Variants in TMEM176A observed in about 807,000 individuals in gnomAD.
TMEM176A encodes the protein transmembrane protein 176A.
In TMEM176A, 20 loss-of-function variants were observed where a neutral mutation model predicts 27.9. The observed-to-expected ratio is 0.72, with a 90% CI of 0.50 to 1.04. The LOEUF (loss-of-function observed/expected upper bound fraction) is 1.04, where lower values mean the gene tolerates loss of function less well. Among genes scored for constraint, TMEM176A ranks in the 50% least tolerant of loss-of-function variants. The probability of loss-of-function intolerance (pLI) is 0.00; values close to 1 mark genes in which losing one functional copy is unlikely to be tolerated. For synonymous variants in TMEM176A, 125 were observed against 118.0 expected, an observed-to-expected ratio of 1.06 and a Z score of -0.38; for missense variants, 252 against 289.1, an observed-to-expected ratio of 0.87 and a Z score of 0.93.
Position 150,805,059 on chromosome 7 carries a change from C to T in TMEM176A, c.*191C>T. ...CCTTACACCCCTTCCCCATCCTGCT[C>T]CGCTTCATGTCCCCTCCTGAGTAGT... On this transcript the variant is annotated 3_prime_UTR_variant, in exon 7 of 7. Coordinates refer to ENST00000004103, the MANE Select transcript of TMEM176A (RefSeq NM_018487.3). 4 of 623,638 alleles carry T rather than the reference C, an allele frequency of 6.4e-6. No homozygotes were observed. Among genetic ancestry groups the T allele is most frequent in the Non-Finnish European group, 1.1e-5 (4 of 349,756 alleles). 38.6% of individuals were successfully genotyped at this position (623,638 alleles called of 1,614,324 possible).
At chr7:150,804,542 G>A in intron 6 of TMEM176A, 70 bp downstream of exon 6, 1 of 1,375,642 alleles carries the variant, frequency 7.3e-7, no homozygotes. Flanking sequence ...GGAATGGACA[G>A]TGGACAGTTT....
Position 150,803,740 on chromosome 7 carries a change from A to C in TMEM176A, c.463A>C (p.Ser155Arg). ...SYYNSACRIS[S>R]SSDWNTPAPT... ...TTACAACAGTGCCTGCCGCATCTCC[A>C]GCTCGAGTGACTGGAACACTCCAGC... is the stretch of plus-strand genomic sequence containing the variant. Residue 155 changes from serine to arginine, a missense_variant, in exon 5 of 7, where the codon AGC (serine) becomes CGC (arginine). Physicochemically the swap from Ser to Arg is moderately radical, Grantham distance 110. Transcript: ENST00000004103. 2 of 1,614,214 alleles carry C rather than the reference A, an allele frequency of 1.2e-6. No individual in the cohort carries two copies. Among genetic ancestry groups the C allele is most frequent in the Non-Finnish European group, 1.7e-6 (2 of 1,180,046 alleles).
intron 4 of TMEM176A, 71 bp from the exon 5 acceptor site, chr7:150,803,549 C>CT: frequency 6.3e-7 from 1 of 1,590,682 alleles, no homozygotes; most frequent in Non-Finnish European, 8.6e-7. Context: ...GGGCCTTGCC[C>CT]TTTTTTCCCC....
Position 150,804,440 on chromosome 7 carries a change from C to T in TMEM176A, c.634C>T (p.Leu212=), listed in dbSNP as rs1236613461. 4.3e-6 allele frequency: 7 copies of T among 1,614,030 alleles called. No homozygotes were observed. The Admixed American group carries it at 5.0e-5, about 12-fold the overall frequency. ...TCTGGCATCTCTGACCCCTCTGTGG[C>T]TGTACTGCTGGAGAATGTTCCCAAC... ...LLLASLTPLW[L]YCWRMFPTKG... The change falls in exon 6 of 7, where the codon CTG becomes TTG. Residue 212 remains leucine (L), a synonymous_variant. Transcript: ENST00000004103.
In TMEM176A at chr7:150,805,051, A is replaced by C; in HGVS notation, c.*183A>C. 1 of 631,780 alleles carries C rather than the reference A, an allele frequency of 1.6e-6. No individual in the cohort carries two copies. Among genetic ancestry groups the C allele is most frequent in the Non-Finnish European group, 2.8e-6 (1 of 354,420 alleles). The allele number at this position is 631,780 out of a possible 1,614,324, so 39.1% of individuals were successfully genotyped here. On this transcript the variant is annotated 3_prime_UTR_variant, in exon 7 of 7. Transcript: ENST00000004103. ...TGCCCATTCCTTACACCCCTTCCCC[A>C]TCCTGCTCCGCTTCATGTCCCCTCC...
At chr7:150,801,321 C>A (rs1798775850) in intron 1 of TMEM176A, 4 of 493,394 alleles carry the variant, frequency 8.1e-6, no homozygotes, top group Admixed American at 3.9e-5. Flanking sequence ...GGGGAGGTTC[C>A]CGCAGGCTCT....
chr7:150,800,801 G>A lies in TMEM176A; in HGVS notation c.-43G>A. ...CAGCCAGCGCCCCAGCCCTCCCGCC[G>A]CCCGCTCGCAGGTCCCGAGGAGCGC... On this transcript the variant is annotated 5_prime_UTR_variant, in exon 1 of 7. Transcript: ENST00000004103. 2.2e-6 allele frequency: 1 copy of A among 448,108 alleles called. No homozygotes were observed. The highest frequency in any genetic ancestry group is 2.9e-6 in the Non-Finnish European group (1 of 344,698). The allele number at this position is 448,108 out of a possible 1,614,324, so 27.8% of individuals were successfully genotyped here.
chr7:150,803,368 C>G, intron 3 of TMEM176A, 32 bp from the exon 4 acceptor site: 2 of 1,544,332 alleles, frequency 1.3e-6, no homozygotes, highest in Non-Finnish European at 1.7e-6. Flanking sequence ...ATTTCCTGTA[C>G]TAAGCCTGCT....
chr7:150,801,043 C>A (rs1798763592), intron 1 of TMEM176A: 1 of 962,416 alleles, frequency 1.0e-6, no homozygotes, highest in Non-Finnish European at 1.2e-6. Context: ...GTGAACCCGT[C>A]GGGCGTGAGC....
At position 150,801,735 on chromosome 7, in the gene TMEM176A, C is replaced by T. The variant is rs372300178; in HGVS notation, c.174+11C>T. On this transcript the variant is annotated intron_variant, in intron 2 of 6. Transcript: ENST00000004103. ...CTGGTGGCCTCGTGGGTGAGTGTGA[C>T]GGCCTGCCTCGTCGGGCGGCGGGAG... 520 of 1,498,870 alleles carry T rather than the reference C, an allele frequency of 3.5e-4. 1 individual carries two copies. Among genetic ancestry groups the T allele is most frequent in the Non-Finnish European group, 4.1e-4 (465 of 1,133,816 alleles). 92.8% of individuals were successfully genotyped at this position (1,498,870 alleles called of 1,614,324 possible).
Position 150,802,313 on chromosome 7 carries a change from G to C in TMEM176A, c.273G>C (p.Trp91Cys). The C allele has an allele frequency of 6.2e-7, 1 of 1,614,040 alleles. No homozygotes were observed. Among genetic ancestry groups the C allele is most frequent in the Non-Finnish European group, 8.5e-7 (1 of 1,179,976 alleles). The change falls in exon 3 of 7, where the codon TGG (tryptophan) becomes TGC (cysteine). Residue 91 changes from tryptophan (W) to cysteine (C), a missense_variant. Transcript: ENST00000004103. Reference sequence around the variant, plus strand: ...TCGTCACCTCGGGAGCTGCCATCTGGACAGGGGCTGTGGTGAGTAGAGCAG... The same window carrying C: ...TCGTCACCTCGGGAGCTGCCATCTGCACAGGGGCTGTGGTGAGTAGAGCAG... ...TLLVTSGAAI[W>C]TGAVAVLAGA...
intron 4 of TMEM176A, 65 bp downstream of exon 4, chr7:150,803,521 C>A: frequency 1.3e-6 from 2 of 1,576,720 alleles, no homozygotes. Context: ...AATCTCCTGC[C>A]CTGTTGCAGG....
Position 150,804,978 on chromosome 7 carries a change from G to A in TMEM176A, c.*110G>A. The A allele has an allele frequency of 8.4e-7, 1 of 1,194,982 alleles. No individual in the cohort carries two copies. The highest frequency in any genetic ancestry group is 1.5e-5 in the African/African-American group (1 of 66,774). The allele number at this position is 1,194,982 out of a possible 1,614,324, so 74.0% of individuals were successfully genotyped here. ...GAAAAGAGGCTCTTCAACAGCCCCAGTTATCCTGGCCCCATGACCGTGGCC... is the reference window on the plus strand; with the variant it reads ...GAAAAGAGGCTCTTCAACAGCCCCAATTATCCTGGCCCCATGACCGTGGCC... On this transcript the variant is annotated 3_prime_UTR_variant, in exon 7 of 7. Coordinates refer to ENST00000004103, the MANE Select transcript of TMEM176A (RefSeq NM_018487.3).
chr7:150,802,738 G>A lies in TMEM176A; in HGVS notation c.285+413G>A, dbSNP rs963886712. ...AGGCCCTGTACACAATGGAAACCCA[G>A]GAATTGTTGTCAACAGATGGGTGTG... On this transcript the variant is annotated intron_variant, in intron 3 of 6. Transcript: ENST00000004103. 97 of 1,013,438 alleles carry A rather than the reference G, an allele frequency of 9.6e-5. No homozygotes were observed. In the Admixed American group the frequency reaches 1.7e-3, roughly 18 times the overall value. 62.8% of individuals were successfully genotyped at this position (1,013,438 alleles called of 1,614,324 possible). A position where few individuals can be genotyped will look rare whatever the true frequency, so the allele number is the denominator to read the frequency against.
At chr7:150,803,342 G>T in intron 3 of TMEM176A, 58 bp from the exon 4 acceptor site, 3 of 1,513,870 alleles carry the variant, frequency 2.0e-6, no homozygotes, top group Non-Finnish European at 1.8e-6. Context: ...AGGCTCTCTC[G>T]TGGGAGAGGA....
rs767839882 is a variant in TMEM176A, at chr7:150,803,829, G to A, written c.552G>A (p.Leu184=). 25 of 1,613,758 alleles carry A rather than the reference G, an allele frequency of 1.5e-5. No individual in the cohort carries two copies. Among genetic ancestry groups the A allele is most frequent in the Non-Finnish European group, 2.1e-5 (25 of 1,179,908 alleles). ...LHLCTSFMDM[L]KALFRTLQAM... ...TATGTACCTCCTTCATGGACATGCT[G>A]AAGGTAGGTGGCCAAGGGGAAGGGG... The change falls in exon 5 of 7, where the codon CTG becomes CTA. Residue 184 remains leucine (L), a synonymous_variant. Coordinates refer to ENST00000004103, the MANE Select transcript of TMEM176A (RefSeq NM_018487.3).
At chr7:150,803,952 T>C in intron 5 of TMEM176A, 120 bp downstream of exon 5, 1 of 853,906 alleles carries the variant, frequency 1.2e-6, no homozygotes, top group Non-Finnish European at 1.8e-6. Flanking sequence ...CAAGCTTGCG[T>C]ATTGTCACCA....
Position 150,801,755 on chromosome 7 carries a change from C to T in TMEM176A, c.174+31C>T, listed in dbSNP as rs747527995. ...TGTGACGGCCTGCCTCGTCGGGCGG[C>T]GGGAGGAACTCCCCACCTCCAGCCG... On this transcript the variant is annotated intron_variant, in intron 2 of 6. Coordinates refer to ENST00000004103, the MANE Select transcript of TMEM176A (RefSeq NM_018487.3). 2.0e-6 allele frequency: 3 copies of T among 1,465,298 alleles called. No individual in the cohort carries two copies. The East Asian group carries it at 7.4e-5, about 36-fold the overall frequency. 90.8% of individuals were successfully genotyped at this position (1,465,298 alleles called of 1,614,324 possible). A position where few individuals can be genotyped will look rare whatever the true frequency, so the allele number is the denominator to read the frequency against.
chr7:150,802,106 T>C (rs1361357178), intron 2 of TMEM176A, 109 bp from the exon 3 acceptor site: 2 of 696,964 alleles, frequency 2.9e-6, no homozygotes, highest in Non-Finnish European at 4.8e-6. Context: ...CTTCTCTTCT[T>C]TCTTTCTCTC....
Sources: allele counts gnomAD v4.1 joint callset, GRCh38; gene constraint gnomAD v4.1.1; transcripts MANE v1.5; gene names NCBI Gene and HGNC (gene_info 2026-07-23, HGNC 2026-07-21).